The following EXOC6B variants were observed in gnomAD, a reference collection of about 807,000 sequenced individuals.
The protein encoded by EXOC6B is SEC15 homolog B.
EXOC6B carries 54 observed loss-of-function variants against 113.5 expected under a neutral mutation model. That is an observed-to-expected ratio of 0.48 (90% CI 0.38 to 0.60). The LOEUF (loss-of-function observed/expected upper bound fraction) is 0.60, where lower values mean the gene tolerates loss of function less well. Among genes scored for constraint, EXOC6B ranks in the 20% least tolerant of loss-of-function variants. The probability of loss-of-function intolerance (pLI) is 0.00; values close to 1 mark genes in which losing one functional copy is unlikely to be tolerated. For synonymous variants in EXOC6B, 357 were observed against 339.0 expected (o/e 1.05, Z -0.58); for missense variants, 797 against 977.5 (o/e 0.82, Z 2.46).
intron 20 of EXOC6B, among the ~76,000 whole-genome samples, chr2:72,223,777 G>A (rs1054218107): frequency 6.6e-6 from 1 of 152,162 alleles, no homozygotes; most frequent in Non-Finnish European, 1.5e-5. Context: ...CACTCAGATG[G>A]ACTGGGGCAT....
At chr2:72,401,605 G>GTATATA in intron 18 of EXOC6B, among the ~76,000 whole-genome samples, 1 of 18,840 alleles carries the variant, frequency 5.3e-5, no homozygotes, top group East Asian at 9.0e-4. Context: ...ATATATATGT[G>GTATATA]TATATATATA....
intron 1 of EXOC6B, among the ~76,000 whole-genome samples, chr2:72,822,335 T>G (rs1211691806): frequency 6.6e-6 from 1 of 152,176 alleles, no homozygotes; most frequent in Non-Finnish European, 1.5e-5. Context: ...AAGAGAGAGA[T>G]AGCTACTTTC....
chr2:72,450,082 T>A (rs183758188), intron 18 of EXOC6B, among the ~76,000 whole-genome samples: 4 of 152,298 alleles, frequency 2.6e-5, no homozygotes, highest in Admixed American at 2.0e-4. Context: ...TGTACATTCT[T>A]TTCTATCTAT....
At chr2:72,383,365 C>T (rs1473955033) in intron 18 of EXOC6B, among the ~76,000 whole-genome samples, 1 of 152,082 alleles carries the variant, frequency 6.6e-6, no homozygotes, top group Non-Finnish European at 1.5e-5. Flanking sequence ...CAAAAGAAGT[C>T]ACACATGTGG....
At chr2:72,636,771 C>A (rs1338110172) in intron 6 of EXOC6B, among the ~76,000 whole-genome samples, 1 of 152,008 alleles carries the variant, frequency 6.6e-6, no homozygotes, top group Admixed American at 6.5e-5. Context: ...AAAAGATATG[C>A]ATTCTAACCA....
chr2:72,814,683 C>T (rs1415165273), intron 1 of EXOC6B, among the ~76,000 whole-genome samples: 1 of 152,216 alleles, frequency 6.6e-6, no homozygotes, highest in Non-Finnish European at 1.5e-5. Flanking sequence ...GTTAACAGAT[C>T]TCAATTTTTT....
At chr2:72,441,908 CAGCCTCA>C (rs1573126225) in intron 18 of EXOC6B, among the ~76,000 whole-genome samples, 2 of 152,314 alleles carry the variant, frequency 1.3e-5, no homozygotes, top group East Asian at 3.9e-4. Flanking sequence ...TCTATGAGGC[CAGCCTCA>C]TCCTGATAGC....
At chr2:72,450,620 T>C (rs1346433639) in intron 18 of EXOC6B, among the ~76,000 whole-genome samples, 1 of 152,236 alleles carries the variant, frequency 6.6e-6, no homozygotes, top group South Asian at 2.1e-4. Flanking sequence ...TAAAGTCCTA[T>C]ATTCCATAAT....
intron 20 of EXOC6B, among the ~76,000 whole-genome samples, chr2:72,190,542 G>A (rs1183462567): frequency 2.0e-5 from 3 of 152,106 alleles, no homozygotes; most frequent in South Asian, 4.1e-4. Flanking sequence ...ATCCCAACCT[G>A]TTCCCATTCT....
At chr2:72,447,762 T>C (rs1335486433) in intron 18 of EXOC6B, among the ~76,000 whole-genome samples, 4 of 152,206 alleles carry the variant, frequency 2.6e-5, no homozygotes, top group Admixed American at 2.6e-4. Flanking sequence ...GTGTCTTTCC[T>C]TGTACTTGTA....
chr2:72,468,795 A>G lies in EXOC6B; in HGVS notation c.1801-3456T>C, dbSNP rs748088293. Among the ~76,000 whole-genome samples, 5 of 152,190 alleles carry G rather than the reference A, an allele frequency of 3.3e-5. No individual in the cohort carries two copies. In the East Asian group the frequency reaches 9.6e-4, roughly 29 times the overall value. ...AACTAGGATATCTTTTTATTTCTTC[A>G]ATTTTTTCTTCAATGTTTTGTAGTT... On this transcript the variant is annotated intron_variant, in intron 17 of 21. Transcript: ENST00000272427.
intron 6 of EXOC6B, among the ~76,000 whole-genome samples, chr2:72,717,025 T>C (rs1024831718): frequency 6.6e-6 from 1 of 152,206 alleles, no homozygotes; most frequent in African/African-American, 2.4e-5. Flanking sequence ...TTGTCACTGA[T>C]TAATTTTATT....
chr2:72,804,689 G>A (rs1685483038), intron 1 of EXOC6B, among the ~76,000 whole-genome samples: 1 of 151,828 alleles, frequency 6.6e-6, no homozygotes, highest in African/African-American at 2.4e-5. Flanking sequence ...TCTGCCTCCT[G>A]GATTCAAGCA....
chr2:72,615,074 G>C (rs1052806419), intron 6 of EXOC6B, among the ~76,000 whole-genome samples: 1 of 151,684 alleles, frequency 6.6e-6, no homozygotes, highest in African/African-American at 2.4e-5. Flanking sequence ...GGAGGGAGGA[G>C]GTAAGGAAAG....
At chr2:72,242,628 A>T (rs1573070864) in intron 20 of EXOC6B, among the ~76,000 whole-genome samples, 3 of 152,258 alleles carry the variant, frequency 2.0e-5, no homozygotes, top group African/African-American at 7.2e-5. Flanking sequence ...ATATTAATCC[A>T]ACAATATCAA....
intron 15 of EXOC6B, 85 bp from the exon 16 acceptor site, chr2:72,492,514 T>TA (rs1339185114): frequency 9.4e-6 from 7 of 740,960 alleles, no homozygotes; most frequent in Non-Finnish European, 1.6e-5. Context: ...TTCGTGGTAA[T>TA]AATAATAAAA....
At chr2:72,526,677 A>G (rs1164690774) in intron 8 of EXOC6B, among the ~76,000 whole-genome samples, 2 of 152,006 alleles carry the variant, frequency 1.3e-5, no homozygotes, top group African/African-American at 4.8e-5. Context: ...TAAATCTGTC[A>G]TACTGAACTT....
intron 6 of EXOC6B, among the ~76,000 whole-genome samples, chr2:72,587,068 AT>A (rs1558820907): frequency 6.6e-6 from 1 of 152,206 alleles, no homozygotes; most frequent in Non-Finnish European, 1.5e-5. Flanking sequence ...TTGGGTATAT[AT>A]CCAAAAGAAA....
At chr2:72,666,452 A>G (rs1184504388) in intron 6 of EXOC6B, among the ~76,000 whole-genome samples, 1 of 152,192 alleles carries the variant, frequency 6.6e-6, no homozygotes, top group Non-Finnish European at 1.5e-5. Context: ...ACACTCTCAG[A>G]TCACAGAACT....
Sources: allele counts gnomAD v4.1 joint callset (sites outside exome capture counted in the v4.1 genomes callset), GRCh38; gene constraint gnomAD v4.1.1; transcripts MANE v1.5; gene names NCBI Gene and HGNC (gene_info 2026-07-23, HGNC 2026-07-21).